PIANP: variants seen among roughly 807,000 people sequenced by gnomAD.
The protein encoded by PIANP is PILR alpha-associated neural protein.
A neutral mutation model predicts 28.9 loss-of-function variants in PIANP; 14 were observed. The observed-to-expected ratio is 0.49, with a 90% confidence interval of 0.32 to 0.76. PIANP has a LOEUF of 0.76. PIANP is among the 30% of genes least tolerant of loss of function. PIANP has a pLI of 0.03. For synonymous variants in PIANP, 149 were observed against 156.6 expected, an observed-to-expected ratio of 0.95 and a Z score of 0.36; for missense variants, 322 against 371.8, an observed-to-expected ratio of 0.87 and a Z score of 1.10.
Position 6,697,372 on chromosome 12 carries a change from G to A in PIANP, c.438C>T (p.Asp146=). The change falls in exon 3 of 5, where the codon GAC becomes GAT. Residue 146 remains aspartate, a synonymous_variant. Transcript: ENST00000534837. This position sits in a 1 kb window ranked among gnomAD's most constrained non-coding sequence, Gnocchi z 6.9. Reference sequence around the variant, plus strand: ...GCCCATCTCCATCACCTCGCATGGAGTCTGAGTTGGGGTGTGGGGTTGCGA... The same window carrying A: ...GCCCATCTCCATCACCTCGCATGGAATCTGAGTTGGGGTGTGGGGTTGCGA... The part of the protein sequence containing the change: ...HGLATPHPNS[D]SMRGDGDGLI... 6.2e-7 allele frequency: 1 copy of A among 1,614,074 alleles called. No individual in the cohort carries two copies.
Position 6,695,152 on chromosome 12 carries a change from A to G in PIANP, c.*274T>C, listed in dbSNP as rs1334552045. 2.0e-6 allele frequency: 3 copies of G among 1,502,948 alleles called. No homozygotes were observed. Among genetic ancestry groups the G allele is most frequent in the Admixed American group, 4.6e-5 (2 of 43,544 alleles). 93.1% of individuals were successfully genotyped at this position (1,502,948 alleles called of 1,614,324 possible). A position where few individuals can be genotyped will look rare whatever the true frequency, so the allele number is the denominator to read the frequency against. The stretch of plus-strand genomic sequence containing the variant: ...ACAAAGAGGGGGAATCAAGGTTAAG[A>G]GGGCAGAGTTGTCTTAGACAAGGTG... On this transcript the variant is annotated 3_prime_UTR_variant, in exon 5 of 5. Coordinates refer to ENST00000534837, the MANE Select transcript of PIANP (RefSeq NM_001244014.2). The surrounding 1 kb of genome is among the most constrained non-coding windows in gnomAD (Gnocchi z 4.2).
downstream of PIANP, among the ~76,000 whole-genome samples, chr12:6,692,507 C>G (rs1221553151): frequency 1.3e-5 from 2 of 152,208 alleles, no homozygotes; most frequent in African/African-American, 4.8e-5. Context: ...GGATCTGGAT[C>G]CCTCCCTCAC....
At position 6,695,135 on chromosome 12, in the gene PIANP, G is replaced by T; in HGVS notation, c.*291C>A. 2 of 1,519,194 alleles carry T rather than the reference G, an allele frequency of 1.3e-6. No homozygotes were observed. Among genetic ancestry groups the T allele is most frequent in the South Asian group, 1.3e-5 (1 of 79,154 alleles). 94.1% of individuals were successfully genotyped at this position (1,519,194 alleles called of 1,614,324 possible). A position where few individuals can be genotyped will look rare whatever the true frequency, so the allele number is the denominator to read the frequency against. ...AGAAGGGGAAGTTCAAGACAAAGAG[G>T]GGGAATCAAGGTTAAGAGGGCAGAG... On this transcript the variant is annotated 3_prime_UTR_variant, in exon 5 of 5. Transcript: ENST00000534837. The surrounding 1 kb of genome is among the most constrained non-coding windows in gnomAD (Gnocchi z 4.2).
In PIANP at chr12:6,696,074, T is replaced by C. The variant is rs1959853629; in HGVS notation, c.605+369A>G. Among the ~76,000 whole-genome samples the C allele has an allele frequency of 6.6e-6, 1 of 152,154 alleles. No homozygotes were observed. Among genetic ancestry groups the C allele is most frequent in the African/African-American group, 2.4e-5 (1 of 41,426 alleles). The stretch of plus-strand genomic sequence containing the variant: ...GTGTGAAGGACTGAGTGATCCATTA[T>C]TAAATGTGTGCAAAGAAAGCTCCAG... On this transcript the variant is annotated intron_variant, in intron 4 of 4. Transcript: ENST00000534837. This position sits in a 1 kb window ranked among gnomAD's most constrained non-coding sequence, Gnocchi z 4.0.
chr12:6,692,913 A>G (rs576476953), downstream of PIANP, among the ~76,000 whole-genome samples: 1 of 152,114 alleles, frequency 6.6e-6, no homozygotes, highest in Non-Finnish European at 1.5e-5. Flanking sequence ...AGATAAATGC[A>G]TGGGGGCATA....
At chr12:6,693,388 T>A (rs1163793519), downstream of PIANP, among the ~76,000 whole-genome samples, 2 of 152,236 alleles carry the variant, frequency 1.3e-5, no homozygotes, top group South Asian at 2.1e-4. Context: ...TGGCTCCCTC[T>A]CATCTTTTCT....
rs1167751853 is a variant in PIANP at position 6,696,827 on chromosome 12, G to A, written c.524-303C>T. ...TGCCTGGAAACTAAGGGGTGGAGATGTCCTAGTCTCTGCCATGGCCCAACT... is the reference window on the plus strand; with the variant it reads ...TGCCTGGAAACTAAGGGGTGGAGATATCCTAGTCTCTGCCATGGCCCAACT... On this transcript the variant is annotated intron_variant, in intron 3 of 4. Transcript: ENST00000534837. The surrounding 1 kb of genome is among the most constrained non-coding windows in gnomAD (Gnocchi z 4.0). 1.3e-5 allele frequency among the ~76,000 whole-genome samples: 2 copies of A among 152,170 alleles called. No homozygotes were observed. Among genetic ancestry groups the A allele is most frequent in the Non-Finnish European group, 2.9e-5 (2 of 68,026 alleles).
In PIANP at chr12:6,696,607, T is replaced by TTTTTAATGATA; in HGVS notation, c.524-84_524-83insTATCATTAAAA. ...GCTGGGGGCTGGGCTGTGGGCTCTGTCGGCTGGAGTGGCATTGCTGTGTGG... is the reference window on the plus strand; with the variant it reads ...GCTGGGGGCTGGGCTGTGGGCTCTGTTTTTAATGATACGGCTGGAGTGGCATTGCTGTGTGG... On this transcript the variant is annotated intron_variant, in intron 3 of 4. Transcript: ENST00000534837. This position sits in a 1 kb window ranked among gnomAD's most constrained non-coding sequence, Gnocchi z 4.0. 1.1e-6 allele frequency: 1 copy of TTTTTAATGATA among 951,806 alleles called. No homozygotes were observed. Among genetic ancestry groups the TTTTTAATGATA allele is most frequent in the South Asian group, 2.1e-5 (1 of 46,780 alleles). 59.0% of individuals were successfully genotyped at this position (951,806 alleles called of 1,614,324 possible). A position where few individuals can be genotyped will look rare whatever the true frequency, so the allele number is the denominator to read the frequency against.
Position 6,695,387 on chromosome 12 carries a change from G to T in PIANP, c.*39C>A. 1 of 1,437,416 alleles carries T rather than the reference G, an allele frequency of 7.0e-7. No homozygotes were observed. The highest frequency in any genetic ancestry group is 1.7e-5 in the South Asian group (1 of 60,174). 89.0% of individuals were successfully genotyped at this position (1,437,416 alleles called of 1,614,324 possible). On this transcript the variant is annotated 3_prime_UTR_variant, in exon 5 of 5. Transcript: ENST00000534837. The surrounding 1 kb of genome is among the most constrained non-coding windows in gnomAD (Gnocchi z 4.2). ...CACCCCAGCTCTGAAGACCTAAGTT[G>T]CCTTCCCTCTTTGCCCTCCCATCCC...
intron 1 of PIANP, among the ~76,000 whole-genome samples, chr12:6,699,141 G>A (rs1215208669): frequency 6.6e-6 from 1 of 152,188 alleles, no homozygotes; most frequent in East Asian, 1.9e-4. Flanking sequence ...CTATTCAGAG[G>A]GCTGAGGCAG....
chr12:6,692,879 C>G (rs965096141), downstream of PIANP, among the ~76,000 whole-genome samples: 1 of 152,204 alleles, frequency 6.6e-6, no homozygotes, highest in Non-Finnish European at 1.5e-5. Context: ...TACCAACACA[C>G]AGACATTCCT....
chr12:6,697,827 G>A lies in PIANP; in HGVS notation c.18-35C>T, dbSNP rs969392783. On this transcript the variant is annotated intron_variant, in intron 2 of 4. Transcript: ENST00000534837. The surrounding 1 kb of genome is among the most constrained non-coding windows in gnomAD (Gnocchi z 6.9). The stretch of plus-strand genomic sequence containing the variant: ...GGGAGAGAGCGTGGCTGAGACACAG[G>A]CCTACTGTGGGCCTATGTGAGGGAG... 4.6e-6 allele frequency: 7 copies of A among 1,506,078 alleles called. No individual in the cohort carries two copies. In the African/African-American group the frequency reaches 8.4e-5, roughly 18 times the overall value. 93.3% of individuals were successfully genotyped at this position (1,506,078 alleles called of 1,614,324 possible). A position where few individuals can be genotyped will look rare whatever the true frequency, so the allele number is the denominator to read the frequency against.
rs557608749 is a variant in PIANP, at chr12:6,697,477, G to A, written c.333C>T (p.Thr111=). 1.2e-5 allele frequency: 20 copies of A among 1,613,976 alleles called. No individual in the cohort carries two copies. The highest frequency in any genetic ancestry group is 1.6e-4 in the Middle Eastern group (1 of 6,062). ...GGTCCCCTCCATCCTCTCGAGACAC[G>A]GTGGGACCCCACACGATAGCCCAGG... ...QYPWAIVWGP[T]VSREDGGDPN... is the part of the protein sequence containing the mutation. Residue 111 remains threonine (T), a synonymous_variant, in exon 3 of 5, where the codon ACC becomes ACT. Coordinates refer to ENST00000534837, the MANE Select transcript of PIANP (RefSeq NM_001244014.2). This position sits in a 1 kb window ranked among gnomAD's most constrained non-coding sequence, Gnocchi z 6.9.
chr12:6,695,211 G>C lies in PIANP; in HGVS notation c.*215C>G. 2.1e-6 allele frequency: 3 copies of C among 1,448,270 alleles called. No individual in the cohort carries two copies. Among genetic ancestry groups the C allele is most frequent in the Non-Finnish European group, 2.7e-6 (3 of 1,093,784 alleles). The allele number at this position is 1,448,270 out of a possible 1,614,324, so 89.7% of individuals were successfully genotyped here. On this transcript the variant is annotated 3_prime_UTR_variant, in exon 5 of 5. Coordinates refer to ENST00000534837, the MANE Select transcript of PIANP (RefSeq NM_001244014.2). This position sits in a 1 kb window ranked among gnomAD's most constrained non-coding sequence, Gnocchi z 4.2. ...AAAAACCAAAGAGGGCAGAGTTGGA[G>C]TTATGGGCAGCAGAGAATAGGACAC...
chr12:6,692,528 G>A (rs1014410933), downstream of PIANP, among the ~76,000 whole-genome samples: 7 of 152,184 alleles, frequency 4.6e-5, no homozygotes, highest in African/African-American at 1.2e-4. Flanking sequence ...GGCCCACAGT[G>A]TATACCATCC....
Position 6,696,443 on chromosome 12 carries a change from C to G in PIANP, c.605G>C (p.Cys202Ser). ...CAGCACCTTCCTCCTCCCAGCTTAC[C>G]AGAACTTGAAGATGATGCCAGTGGC... Reference protein sequence around the residue: ...LVATGIIFKFCWDRSQKRRRP... With the variant: ...LVATGIIFKFSWDRSQKRRRP... Residue 202 changes from cysteine to serine, a missense_variant and splice_region_variant, in exon 4 of 5, where the codon TGC becomes TCC. Cys to Ser is a moderately radical substitution (Grantham distance 112, BLOSUM62 -1). Transcript: ENST00000534837. This position sits in a 1 kb window ranked among gnomAD's most constrained non-coding sequence, Gnocchi z 4.0. The G allele has an allele frequency of 2.5e-6, 4 of 1,592,490 alleles. No homozygotes were observed. In the South Asian group the frequency reaches 4.6e-5, roughly 19 times the overall value.
chr12:6,692,551 G>A (rs1427157131), downstream of PIANP, among the ~76,000 whole-genome samples: 1 of 152,148 alleles, frequency 6.6e-6, no homozygotes, highest in Non-Finnish European at 1.5e-5. Flanking sequence ...GCCTCATCCT[G>A]TACCCTCAGG....
chr12:6,697,874 C>T lies in PIANP; in HGVS notation c.18-82G>A. ...GGAGGGACAGGTTCACACCAGAAAC[C>T]TCCAGGTTTCCCTGTGAAAGCAGGT... On this transcript the variant is annotated intron_variant, in intron 2 of 4. Transcript: ENST00000534837. The surrounding 1 kb of genome is among the most constrained non-coding windows in gnomAD (Gnocchi z 6.9). 6.7e-7 allele frequency: 1 copy of T among 1,503,408 alleles called. No individual in the cohort carries two copies. The highest frequency in any genetic ancestry group is 2.2e-5 in the Admixed American group (1 of 45,018). The allele number at this position is 1,503,408 out of a possible 1,614,324, so 93.1% of individuals were successfully genotyped here.
At chr12:6,699,535 G>A (rs1592451458) in intron 1 of PIANP, among the ~76,000 whole-genome samples, 2 of 152,068 alleles carry the variant, frequency 1.3e-5, no homozygotes, top group East Asian at 3.9e-4. Context: ...CCGAAGGGAG[G>A]AAAGGATGAG....
Sources: allele counts gnomAD v4.1 joint callset (sites outside exome capture counted in the v4.1 genomes callset), GRCh38; gene constraint gnomAD v4.1.1; non-coding constraint Gnocchi (gnomAD v3.1); transcripts MANE v1.5; gene names NCBI Gene and HGNC (gene_info 2026-07-23, HGNC 2026-07-21).